PRR16: variants seen among roughly 807,000 people sequenced by gnomAD.
PRR16 encodes proline rich 16.
In PRR16, 6 loss-of-function variants were observed where a neutral mutation model predicts 18.2. The observed-to-expected ratio is 0.33, with a 90% CI of 0.18 to 0.65. The LOEUF is 0.65. PRR16 is among the 30% of genes least tolerant of loss of function. PRR16 has a pLI of 0.74. For synonymous variants in PRR16, 151 were observed against 147.8 expected (o/e 1.02, Z -0.16); for missense variants, 412 against 376.6 (o/e 1.09, Z -0.78).
chr5:120,687,526 T>C (rs1336406086), downstream of PRR16, among the ~76,000 whole-genome samples: 1 of 152,204 alleles, frequency 6.6e-6, no homozygotes, highest in African/African-American at 2.4e-5. Context: ...TCTGTTGAAC[T>C]CTCCCTATGT....
chr5:120,519,840 A>G (rs1751115133), intron 1 of PRR16, among the ~76,000 whole-genome samples: 1 of 152,142 alleles, frequency 6.6e-6, no homozygotes, highest in African/African-American at 2.4e-5. Flanking sequence ...CTAGCTTCCT[A>G]GAGCTGAAAA....
intron 1 of PRR16, among the ~76,000 whole-genome samples, chr5:120,596,186 T>C (rs1473246625): frequency 2.0e-5 from 3 of 151,296 alleles, no homozygotes; most frequent in South Asian, 2.1e-4. Context: ...AATTTACTTA[T>C]ACAATCTTGA....
intron 1 of PRR16, among the ~76,000 whole-genome samples, chr5:120,584,699 G>C (rs1418939787): frequency 1.3e-5 from 2 of 151,988 alleles, no homozygotes; most frequent in Non-Finnish European, 2.9e-5. Flanking sequence ...CAAACACTTA[G>C]TAATTTCCTC....
chr5:120,466,699 A>T (rs926658156), intron 1 of PRR16, among the ~76,000 whole-genome samples: 2 of 151,944 alleles, frequency 1.3e-5, no homozygotes, highest in African/African-American at 4.8e-5. Context: ...TTTTAAGGTT[A>T]AAAAAAAGGT....
chr5:120,621,332 G>C (rs7356735), intron 1 of PRR16, among the ~76,000 whole-genome samples: 8,755 of 152,062 alleles, frequency 0.058, 316 homozygotes, highest in South Asian at 0.081. Flanking sequence ...GCTTGTCTTG[G>C]AGGTCTCTAT....
At chr5:120,538,251 T>C (rs1751793102) in intron 1 of PRR16, among the ~76,000 whole-genome samples, 1 of 152,210 alleles carries the variant, frequency 6.6e-6, no homozygotes, top group South Asian at 2.1e-4. Context: ...AAGATATTTC[T>C]ACCATCCTCT....
chr5:120,697,443 A>C, the PRR16 span, among the ~76,000 whole-genome samples: 1 of 152,214 alleles, frequency 6.6e-6, no homozygotes, highest in Non-Finnish European at 1.5e-5. Context: ...AACCATCCTA[A>C]ACCTGTCCAC....
chr5:120,503,686 T>G (rs1031739744), intron 1 of PRR16, among the ~76,000 whole-genome samples: 3 of 152,100 alleles, frequency 2.0e-5, no homozygotes, highest in Non-Finnish European at 4.4e-5. Flanking sequence ...ATGTGCACAA[T>G]GTGCAGGATA....
chr5:120,510,274 G>A (rs1001994595), intron 1 of PRR16, among the ~76,000 whole-genome samples: 4 of 152,152 alleles, frequency 2.6e-5, no homozygotes, highest in African/African-American at 9.7e-5. Context: ...AACACTTTGT[G>A]TTCTCAGAAA....
chr5:120,568,102 T>C, intron 1 of PRR16, among the ~76,000 whole-genome samples: 1 of 152,332 alleles, frequency 6.6e-6, no homozygotes, highest in Admixed American at 6.5e-5. Context: ...TATGTGATGA[T>C]ATAATTATTT....
intron 1 of PRR16, among the ~76,000 whole-genome samples, chr5:120,587,721 A>G (rs1421107212): frequency 6.6e-6 from 1 of 152,204 alleles, no homozygotes; most frequent in African/African-American, 2.4e-5. Flanking sequence ...TCTGATGAAG[A>G]TGTACATAAA....
At chr5:120,625,675 T>C (rs1030275641) in intron 1 of PRR16, among the ~76,000 whole-genome samples, 19 of 152,136 alleles carry the variant, frequency 1.2e-4, no homozygotes, top group African/African-American at 3.6e-4. Flanking sequence ...TATAAAAACA[T>C]GTGGGTTTGT....
chr5:120,699,966 C>T, the PRR16 span, among the ~76,000 whole-genome samples: 2 of 152,168 alleles, frequency 1.3e-5, no homozygotes, highest in Non-Finnish European at 2.9e-5. Flanking sequence ...TGCAGCAGTA[C>T]AGCCTAGGTA....
intron 1 of PRR16, among the ~76,000 whole-genome samples, chr5:120,486,597 G>A (rs992763324): frequency 6.6e-6 from 1 of 152,100 alleles, no homozygotes; most frequent in African/African-American, 2.4e-5. Flanking sequence ...TCTGTAGGTT[G>A]CCTGTTCACT....
chr5:120,570,124 T>G (rs1297091993), intron 1 of PRR16, among the ~76,000 whole-genome samples: 2 of 152,114 alleles, frequency 1.3e-5, no homozygotes, highest in Non-Finnish European at 2.9e-5. Flanking sequence ...AATGAAGAGA[T>G]GAGAGCATGT....
At chr5:120,541,114 A>G (rs909114415) in intron 1 of PRR16, among the ~76,000 whole-genome samples, 1 of 152,126 alleles carries the variant, frequency 6.6e-6, no homozygotes, top group African/African-American at 2.4e-5. Flanking sequence ...ATATATAACA[A>G]TAAATGACTG....
the PRR16 span, among the ~76,000 whole-genome samples, chr5:120,723,057 T>C: frequency 6.6e-6 from 1 of 151,886 alleles, no homozygotes; most frequent in African/African-American, 2.4e-5. Flanking sequence ...AAAAATTGGA[T>C]ACAATTTAAT....
intron 1 of PRR16, among the ~76,000 whole-genome samples, chr5:120,626,808 TA>T (rs528618388): frequency 8.5e-4 from 129 of 152,226 alleles, no homozygotes; most frequent in African/African-American, 2.9e-3. Flanking sequence ...ACATCTAGCA[TA>T]AAAAATAAAT....
chr5:120,602,043 C>T (rs1260843301), intron 1 of PRR16, among the ~76,000 whole-genome samples: 1 of 151,780 alleles, frequency 6.6e-6, no homozygotes, highest in Non-Finnish European at 1.5e-5. Context: ...TTTGGTTTCC[C>T]TGGGCTCTTT....
Sources: allele counts gnomAD v4.1 joint callset (sites outside exome capture counted in the v4.1 genomes callset), GRCh38; gene constraint gnomAD v4.1.1; transcripts MANE v1.5; gene names NCBI Gene and HGNC (gene_info 2026-07-23, HGNC 2026-07-21).